The following TNFRSF19 variants were observed in gnomAD, a reference collection of about 807,000 sequenced individuals.
TNFRSF19 encodes the protein tumor necrosis factor receptor superfamily member 19.
In TNFRSF19, 27 loss-of-function variants were observed where a neutral mutation model predicts 46.4. That is an observed-to-expected ratio of 0.58 (90% CI 0.43 to 0.80). The LOEUF (loss-of-function observed/expected upper bound fraction) is 0.80, where lower values mean the gene tolerates loss of function less well. Among genes scored for constraint, TNFRSF19 ranks in the 30% least tolerant of loss-of-function variants. The pLI is 0.00. For missense variants in TNFRSF19, 511 were observed against 530.8 expected, an observed-to-expected ratio of 0.96 and a Z score of 0.37; for synonymous variants, 204 against 205.0, an observed-to-expected ratio of 1.00 and a Z score of 0.04.
At chr13:23,612,051 G>A (rs774527532) in intron 3 of TNFRSF19, among the ~76,000 whole-genome samples, 3 of 152,120 alleles carry the variant, frequency 2.0e-5, no homozygotes, top group Non-Finnish European at 4.4e-5. Context: ...AGCAGGGATG[G>A]GAAGAAAGGT....
chr13:23,649,310 A>G (rs1367791283), intron 5 of TNFRSF19, among the ~76,000 whole-genome samples: 1 of 152,114 alleles, frequency 6.6e-6, no homozygotes, highest in Non-Finnish European at 1.5e-5. Flanking sequence ...ATGTGTTTCT[A>G]GGAATTTTTC....
At chr13:23,573,174 G>A (rs981869859) in intron 1 of TNFRSF19, among the ~76,000 whole-genome samples, 2 of 152,082 alleles carry the variant, frequency 1.3e-5, no homozygotes, top group Non-Finnish European at 2.9e-5. Flanking sequence ...TACCATGCAG[G>A]GTCTGCTTTC....
intron 1 of TNFRSF19, among the ~76,000 whole-genome samples, chr13:23,580,049 A>G (rs1878296044): frequency 6.6e-6 from 1 of 152,186 alleles, no homozygotes; most frequent in Non-Finnish European, 1.5e-5. Flanking sequence ...AGAGTTCAGC[A>G]GGAATTATTA....
rs1884282718 is a variant in TNFRSF19, at chr13:23,660,393, C to T, written c.639C>T (p.Tyr213=). ...SWSLRSQDIQ[Y]NGSELSCFDR... is the part of the protein sequence containing the mutation. ...CTCTGCGGTCACAGGACATTCAGTA[C>T]AACGGCTCTGAGCTGTCGTGTTTTG... Residue 213 remains tyrosine (Y), a synonymous_variant, in exon 7 of 10, where the codon TAC becomes TAT. Coordinates refer to ENST00000248484, the MANE Select transcript of TNFRSF19 (RefSeq NM_148957.4). The T allele has an allele frequency of 6.2e-7, 1 of 1,613,854 alleles. No homozygotes were observed. The highest frequency in any genetic ancestry group is 1.3e-5 in the African/African-American group (1 of 74,920).
At chr13:23,599,524 T>G (rs556724381) in intron 3 of TNFRSF19, among the ~76,000 whole-genome samples, 1 of 151,598 alleles carries the variant, frequency 6.6e-6, no homozygotes, top group African/African-American at 2.4e-5. Context: ...CAACTGGGAG[T>G]GGGGAGCAGG....
rs1330439378 is a variant in TNFRSF19, at chr13:23,675,463, A to G, written c.*2083A>G. 1 of 152,214 alleles carries G rather than the reference A, an allele frequency of 6.6e-6. No homozygotes were observed. The highest frequency in any genetic ancestry group is 1.5e-5 in the Non-Finnish European group (1 of 68,038). 9.4% of individuals were successfully genotyped at this position (152,214 alleles called of 1,614,324 possible). On this transcript the variant is annotated 3_prime_UTR_variant, in exon 10 of 10. Transcript: ENST00000248484. ...CAAAAATCCCAAAACATCATTTTCA[A>G]TCAGTAGAGAAGTGCTTAGGGTTGA...
At chr13:23,666,288 C>T (rs1181623690) in intron 7 of TNFRSF19, among the ~76,000 whole-genome samples, 3 of 152,218 alleles carry the variant, frequency 2.0e-5, no homozygotes, top group Non-Finnish European at 2.9e-5. Context: ...TGTAGCTTAG[C>T]GTGCTCTGAT....
chr13:23,644,844 TA>T (rs1883240476), intron 5 of TNFRSF19, among the ~76,000 whole-genome samples: 1 of 152,076 alleles, frequency 6.6e-6, no homozygotes, highest in Non-Finnish European at 1.5e-5. Flanking sequence ...TATATATATA[TA>T]TTTGGGCGAA....
intron 1 of TNFRSF19, among the ~76,000 whole-genome samples, chr13:23,582,884 T>C (rs1878556231): frequency 6.6e-6 from 1 of 152,248 alleles, no homozygotes; most frequent in Admixed American, 6.5e-5. Flanking sequence ...TCCACATTAT[T>C]ACAGGTATCA....
intron 5 of TNFRSF19, among the ~76,000 whole-genome samples, chr13:23,627,121 G>A (rs545620195): frequency 6.6e-6 from 1 of 152,138 alleles, no homozygotes; most frequent in South Asian, 2.1e-4. Context: ...TCACTCTTAG[G>A]TCTTCGTGCC....
At chr13:23,611,968 C>G (rs1403198773) in intron 3 of TNFRSF19, among the ~76,000 whole-genome samples, 1 of 152,170 alleles carries the variant, frequency 6.6e-6, no homozygotes, top group African/African-American at 2.4e-5. Context: ...GTGTTAAATA[C>G]ATGCACTCAC....
chr13:23,596,640 A>T (rs781002815), intron 3 of TNFRSF19, among the ~76,000 whole-genome samples: 19 of 152,338 alleles, frequency 1.2e-4, no homozygotes, highest in Non-Finnish European at 2.4e-4. Flanking sequence ...CTGGACTCCC[A>T]CACAATAATA....
chr13:23,657,409 C>G (rs1884051470), intron 5 of TNFRSF19, among the ~76,000 whole-genome samples: 1 of 152,156 alleles, frequency 6.6e-6, no homozygotes, highest in Non-Finnish European at 1.5e-5. Flanking sequence ...TAGGTGCCAT[C>G]TTGTACAAAT....
At chr13:23,625,355 G>T (rs1881932172) in intron 4 of TNFRSF19, among the ~76,000 whole-genome samples, 1 of 123,622 alleles carries the variant, frequency 8.1e-6, no homozygotes, top group African/African-American at 3.0e-5. Flanking sequence ...TTGAGACAGA[G>T]TCTTGCTCTT....
intron 7 of TNFRSF19, among the ~76,000 whole-genome samples, chr13:23,667,472 C>T (rs3829349): frequency 0.22 from 33,517 of 152,176 alleles, 4,549 homozygotes; most frequent in Non-Finnish European, 0.31. Flanking sequence ...AGTTGTCCTG[C>T]TCCTCCTGTC....
chr13:23,632,955 A>G (rs1882443175), intron 5 of TNFRSF19, among the ~76,000 whole-genome samples: 1 of 152,168 alleles, frequency 6.6e-6, no homozygotes, highest in African/African-American at 2.4e-5. Flanking sequence ...TTGTCATTTG[A>G]TGCCTTTTAG....
chr13:23,661,872 C>G (rs890076454), intron 7 of TNFRSF19, among the ~76,000 whole-genome samples: 3 of 151,998 alleles, frequency 2.0e-5, no homozygotes, highest in African/African-American at 7.3e-5. Flanking sequence ...TGTCCTTTGC[C>G]CAGTTTTTGA....
intron 5 of TNFRSF19, among the ~76,000 whole-genome samples, chr13:23,657,941 C>T (rs941987913): frequency 5.3e-5 from 8 of 152,116 alleles, no homozygotes; most frequent in Admixed American, 1.3e-4. Context: ...AATCTTCAGT[C>T]GAGGGGAGGC....
intron 3 of TNFRSF19, among the ~76,000 whole-genome samples, chr13:23,604,942 C>T (rs945865926): frequency 6.6e-6 from 1 of 152,006 alleles, no homozygotes; most frequent in East Asian, 1.9e-4. Context: ...AAAGGCACAA[C>T]CTATGAAAGA....
Sources: gnomAD v4.1 joint callset for allele counts (sites outside exome capture counted in the v4.1 genomes callset) on GRCh38, gnomAD v4.1.1 for gene constraint, MANE v1.5 for transcripts, NCBI Gene and HGNC (gene_info 2026-07-23, HGNC 2026-07-21) for gene names.